NEDD9: variants seen among roughly 807,000 people sequenced by gnomAD.
The protein encoded by NEDD9 is neural precursor cell expressed, developmentally down-regulated 9.
NEDD9 carries 26 observed loss-of-function variants against 76.6 expected under a neutral mutation model. The observed-to-expected ratio is 0.34, with a 90% CI of 0.25 to 0.47. The LOEUF is 0.47. Ranked by LOEUF, NEDD9 falls within the 20% of genes least tolerant of loss-of-function variation. The probability of loss-of-function intolerance (pLI) is 1.00; values close to 1 mark genes in which losing one functional copy is unlikely to be tolerated. For missense variants in NEDD9, 937 were observed against 1,058.5 expected (o/e 0.89, Z 1.59); for synonymous variants, 392 against 414.2 (o/e 0.95, Z 0.65).
chr6:11,257,328 A>G (rs890632218), intron 3 of NEDD9, among the ~76,000 whole-genome samples: 1 of 152,244 alleles, frequency 6.6e-6, no homozygotes, highest in South Asian at 2.1e-4. Flanking sequence ...ACATTGGCAA[A>G]TAACCCCTGG....
rs1014012081 is a variant in NEDD9 at position 11,223,460 on chromosome 6, C to T, written c.12+9044G>A. Among the ~76,000 whole-genome samples the T allele has an allele frequency of 2.0e-5, 3 of 149,460 alleles. No homozygotes were observed. In the East Asian group the frequency reaches 6.0e-4, roughly 30 times the overall value. ...ATTGTGTCTTAAGAACTGTACTCCTCCCCTTGGAAAAAAAAACTTCCTCTA... is the reference window on the plus strand; with the variant it reads ...ATTGTGTCTTAAGAACTGTACTCCTTCCCTTGGAAAAAAAAACTTCCTCTA... On this transcript the variant is annotated intron_variant, in intron 1 of 6. Transcript: ENST00000379446.
chr6:11,333,060 AAGGGAGGGAGGG>A (rs373591507), intron 2 of NEDD9, among the ~76,000 whole-genome samples: 27 of 23,142 alleles, frequency 1.2e-3, no homozygotes, highest in African/African-American at 8.1e-3. Flanking sequence ...GGAAGGAAGG[AAGGGAGGGAGGG>A]AGGGAGGGAG....
At chr6:11,357,792 C>A (rs1447103881) in intron 1 of NEDD9, among the ~76,000 whole-genome samples, 1 of 152,156 alleles carries the variant, frequency 6.6e-6, no homozygotes, top group Admixed American at 6.5e-5. Context: ...TGGTTCTGAC[C>A]AGAACCTATA....
intron 3 of NEDD9, 197 bp from the exon 4 acceptor site, chr6:11,192,643 A>C (rs772778456): frequency 8.4e-6 from 4 of 476,808 alleles, no homozygotes; most frequent in Non-Finnish European, 1.4e-5. Flanking sequence ...TTTAATATAA[A>C]AATGATTTTG....
chr6:11,305,165 A>T (rs1301981660), intron 3 of NEDD9: 2 of 1,286,442 alleles, frequency 1.6e-6, no homozygotes, highest in Admixed American at 4.6e-5. Flanking sequence ...ATTCTCTGAG[A>T]TACAGAAAAC....
At chr6:11,346,949 A>G (rs1309409239) in intron 1 of NEDD9, among the ~76,000 whole-genome samples, 2 of 150,510 alleles carry the variant, frequency 1.3e-5, no homozygotes, top group Admixed American at 1.3e-4. Context: ...TGCTCCCCAA[A>G]CTCCATTTCT....
chr6:11,190,287 G>A lies in NEDD9; in HGVS notation c.1582C>T (p.Leu528=). The change falls in exon 5 of 7, where the codon CTG becomes TTG. Residue 528 remains leucine (L), a synonymous_variant. Transcript: ENST00000379446. This position sits in a 1 kb window ranked among gnomAD's most constrained non-coding sequence, Gnocchi z 5.8. The part of the protein sequence containing the change: ...INKPQNKCDD[L]DRFVMVAKTV... ...TTTGCCACCATCACAAACCGGTCCA[G>A]ATCGTCACACTTGTTCTGGGGCTTG... is the stretch of plus-strand genomic sequence containing the variant. 1.2e-6 allele frequency: 2 copies of A among 1,614,250 alleles called. No homozygotes were observed. Among genetic ancestry groups the A allele is most frequent in the Non-Finnish European group, 1.7e-6 (2 of 1,180,046 alleles).
At chr6:11,349,773 G>C (rs1762429786) in intron 1 of NEDD9, among the ~76,000 whole-genome samples, 1 of 152,220 alleles carries the variant, frequency 6.6e-6, no homozygotes, top group Non-Finnish European at 1.5e-5. Flanking sequence ...CTAACTGAGG[G>C]TGGAGGGTGA....
chr6:11,317,525 G>C (rs1761609094), intron 2 of NEDD9, among the ~76,000 whole-genome samples: 1 of 152,100 alleles, frequency 6.6e-6, no homozygotes, highest in Non-Finnish European at 1.5e-5. Context: ...AGAGATTCAG[G>C]ATGGTGCGTT....
chr6:11,245,491 A>G (rs1358882685), intron 3 of NEDD9, among the ~76,000 whole-genome samples: 1 of 152,214 alleles, frequency 6.6e-6, no homozygotes, highest in African/African-American at 2.4e-5. Context: ...TCATTCACCC[A>G]TCCACCAATA....
chr6:11,377,354 T>A (rs1363518570), intron 1 of NEDD9, among the ~76,000 whole-genome samples: 2 of 152,268 alleles, frequency 1.3e-5, no homozygotes, highest in Admixed American at 6.5e-5. Flanking sequence ...AGCAGCCATG[T>A]GGGCTGCATC....
intron 2 of NEDD9, among the ~76,000 whole-genome samples, chr6:11,204,523 C>T (rs985569597): frequency 3.9e-5 from 6 of 151,920 alleles, no homozygotes; most frequent in Non-Finnish European, 7.4e-5. Context: ...AGTTTGAGAC[C>T]AGCCTTGCCA....
intron 1 of NEDD9, among the ~76,000 whole-genome samples, chr6:11,223,846 AG>A (rs1310648217): frequency 6.6e-6 from 1 of 152,190 alleles, no homozygotes; most frequent in Non-Finnish European, 1.5e-5. Flanking sequence ...GTTATTTACA[AG>A]TCAATGAAAA....
chr6:11,380,198 G>A (rs1439593274), intron 1 of NEDD9, among the ~76,000 whole-genome samples: 1 of 152,204 alleles, frequency 6.6e-6, no homozygotes. Context: ...GAAAACAGAC[G>A]ACTAAACTCT....
At chr6:11,346,624 C>A (rs879256365) in intron 1 of NEDD9, among the ~76,000 whole-genome samples, 1 of 152,184 alleles carries the variant, frequency 6.6e-6, no homozygotes, top group Non-Finnish European at 1.5e-5. Flanking sequence ...CTGGTCTGGA[C>A]TCTCATCGGG....
At chr6:11,286,094 C>T (rs943746771) in intron 3 of NEDD9, among the ~76,000 whole-genome samples, 2 of 152,160 alleles carry the variant, frequency 1.3e-5, no homozygotes, top group African/African-American at 2.4e-5. Context: ...ATATATAAAT[C>T]TGATAAAGTA....
At chr6:11,236,589 T>A (rs1157371953), upstream of NEDD9, among the ~76,000 whole-genome samples, 1 of 152,168 alleles carries the variant, frequency 6.6e-6, no homozygotes, top group Non-Finnish European at 1.5e-5. This position sits in a 1 kb window ranked among gnomAD's most constrained non-coding sequence, Gnocchi z 5.5. Context: ...GGCAGAGCTG[T>A]CTGTCGCTCA....
intron 1 of NEDD9, among the ~76,000 whole-genome samples, chr6:11,221,568 G>A (rs1339285456): frequency 2.6e-5 from 4 of 151,994 alleles, no homozygotes; most frequent in African/African-American, 7.3e-5. Context: ...TCAGATTAGC[G>A]GCAGAGCCAG....
chr6:11,363,032 G>T (rs1187142640), intron 1 of NEDD9, among the ~76,000 whole-genome samples: 2 of 151,932 alleles, frequency 1.3e-5, no homozygotes. Flanking sequence ...TTCTAGCCCT[G>T]TTCCCATTTT....
Sources: gnomAD v4.1 joint callset for allele counts (sites outside exome capture counted in the v4.1 genomes callset) on GRCh38, gnomAD v4.1.1 for gene constraint, Gnocchi (gnomAD v3.1) non-coding constraint, MANE v1.5 for transcripts, NCBI Gene and HGNC (gene_info 2026-07-23, HGNC 2026-07-21) for gene names.